Variants in TSEN2 observed in about 807,000 individuals in gnomAD.
TSEN2 encodes the protein tRNA splicing endonuclease subunit 2.
TSEN2 carries 54 observed loss-of-function variants against 59.2 expected under a neutral mutation model. That is an observed-to-expected ratio of 0.91 (90% CI 0.73 to 1.14). The LOEUF (loss-of-function observed/expected upper bound fraction) is 1.14. TSEN2 is among the 50% of genes most tolerant of loss of function. TSEN2 has a pLI of 0.00. For missense variants in TSEN2, 636 were observed against 576.2 expected, an observed-to-expected ratio of 1.10 and a Z score of -1.06; for synonymous variants, 195 against 198.2, an observed-to-expected ratio of 0.98 and a Z score of 0.14.
At chr3:12,507,777 G>A (rs2054998026) in intron 6 of TSEN2, among the ~76,000 whole-genome samples, 1 of 152,184 alleles carries the variant, frequency 6.6e-6, no homozygotes, top group South Asian at 2.1e-4. Flanking sequence ...TGGGCCCAAT[G>A]CCTGACATCT....
upstream of TSEN2, among the ~76,000 whole-genome samples, chr3:12,484,101 G>T (rs2052338475): frequency 6.6e-6 from 1 of 152,234 alleles, no homozygotes; most frequent in Non-Finnish European, 1.5e-5. Context: ...CATTGAGAAA[G>T]ATGAGATCAG....
At chr3:12,530,140 G>C (rs771089423) in intron 10 of TSEN2, 6 of 1,337,528 alleles carry the variant, frequency 4.5e-6, no homozygotes, top group Non-Finnish European at 4.8e-6. Context: ...ATGGTGATCT[G>C]ATCTGGGTAG....
chr3:12,495,198 A>G (rs1190598540), intron 3 of TSEN2, among the ~76,000 whole-genome samples: 1 of 151,952 alleles, frequency 6.6e-6, no homozygotes, highest in African/African-American at 2.4e-5. Flanking sequence ...AAGTAACTGA[A>G]GCTTATATCA....
At chr3:12,519,231 A>G (rs2056417678) in intron 8 of TSEN2, 34 bp downstream of exon 8, 16 of 1,613,606 alleles carry the variant, frequency 9.9e-6, no homozygotes, top group Non-Finnish European at 1.4e-5. Flanking sequence ...GTGTGAGAAT[A>G]GAGTTTATAT....
chr3:12,503,883 T>C lies in TSEN2; in HGVS notation c.831+99T>C, dbSNP rs1026416687. The C allele has an allele frequency of 2.0e-6, 3 of 1,474,190 alleles. No homozygotes were observed. In the Admixed American group the frequency reaches 5.9e-5, roughly 29 times the overall value. 91.3% of individuals were successfully genotyped at this position (1,474,190 alleles called of 1,614,324 possible). On this transcript the variant is annotated intron_variant, in intron 5 of 11. Transcript: ENST00000284995. ...TTGCCTGCAGCTGGTAGCTGGCCTG[T>C]TGTAGGGTCCAAGGGAAGCAGCAGG...
upstream of TSEN2, among the ~76,000 whole-genome samples, chr3:12,483,901 A>G (rs1169948654): frequency 1.3e-5 from 2 of 152,220 alleles, no homozygotes; most frequent in African/African-American, 4.8e-5. Flanking sequence ...CAGTCATTCA[A>G]GCTCACGCAG....
intron 6 of TSEN2, chr3:12,505,451 A>G: frequency 1.9e-6 from 1 of 525,718 alleles, no homozygotes; most frequent in Non-Finnish European, 3.4e-6. Flanking sequence ...CATTCCACAG[A>G]AGATTCGAGG....
chr3:12,526,188 G>A (rs1304534725), intron 8 of TSEN2, among the ~76,000 whole-genome samples: 1 of 151,792 alleles, frequency 6.6e-6, no homozygotes, highest in Non-Finnish European at 1.5e-5. Flanking sequence ...CTATATATGT[G>A]TATAAAAAAA....
At chr3:12,539,048 G>T (rs754887184) in intron 10 of TSEN2, 17 of 396,966 alleles carry the variant, frequency 4.3e-5, no homozygotes, top group Non-Finnish European at 6.3e-5. Flanking sequence ...TCCTTTAAAA[G>T]GAGTGACCAT....
intron 4 of TSEN2, among the ~76,000 whole-genome samples, chr3:12,501,262 T>C (rs377201274): frequency 2.6e-5 from 4 of 152,218 alleles, no homozygotes; most frequent in Middle Eastern, 3.2e-3. Flanking sequence ...CATCTCCACA[T>C]TTTATAGGTG....
chr3:12,492,378 G>C (rs926430010), intron 3 of TSEN2, among the ~76,000 whole-genome samples, 161 bp downstream of exon 3: 1 of 152,152 alleles, frequency 6.6e-6, no homozygotes, highest in Non-Finnish European at 1.5e-5. Context: ...AAAGCAAAAG[G>C]GTTATGATTG....
chr3:12,507,908 A>T (rs2055010300), intron 6 of TSEN2, among the ~76,000 whole-genome samples: 1 of 152,230 alleles, frequency 6.6e-6, no homozygotes, highest in Non-Finnish European at 1.5e-5. Context: ...ATAGCTGAGG[A>T]TAGTAAAGGA....
At chr3:12,520,316 A>T (rs890133850) in intron 8 of TSEN2, among the ~76,000 whole-genome samples, 1 of 152,264 alleles carries the variant, frequency 6.6e-6, no homozygotes, top group Non-Finnish European at 1.5e-5. Context: ...TCATTTTCTG[A>T]TAGGGAGACT....
At chr3:12,522,035 A>G (rs944182660) in intron 8 of TSEN2, among the ~76,000 whole-genome samples, 1 of 152,052 alleles carries the variant, frequency 6.6e-6, no homozygotes, top group African/African-American at 2.4e-5. Context: ...ATAAAAATAA[A>G]AAATAAAAAT....
At chr3:12,512,899 G>A (rs1169115241) in intron 6 of TSEN2, among the ~76,000 whole-genome samples, 1 of 152,158 alleles carries the variant, frequency 6.6e-6, no homozygotes, top group African/African-American at 2.4e-5. Context: ...ACACTTGAGG[G>A]CCCTAACTAC....
rs57378516 is a variant in TSEN2 at position 12,486,805 on chromosome 3, T to C, written c.-18+1925T>C. The stretch of plus-strand genomic sequence containing the variant: ...CGGAAACTTTATCTTAATTGTCTCG[T>C]GGTCTTTTGTGTCTGACTTCTTTTA... On this transcript the variant is annotated intron_variant, in intron 1 of 11. Coordinates refer to ENST00000284995, the MANE Select transcript of TSEN2 (RefSeq NM_025265.4). Among the ~76,000 whole-genome samples the C allele has an allele frequency of 1.6e-3, 246 of 152,346 alleles. 1 individual carries two copies. The highest frequency in any genetic ancestry group is 5.7e-3 in the African/African-American group (239 of 41,570).
At chr3:12,493,383 C>T (rs2053423849) in intron 3 of TSEN2, among the ~76,000 whole-genome samples, 1 of 152,182 alleles carries the variant, frequency 6.6e-6, no homozygotes, top group Admixed American at 6.5e-5. Flanking sequence ...TTCCCACCAG[C>T]AATGCACCAA....
At chr3:12,497,924 G>A (rs910124998) in intron 4 of TSEN2, among the ~76,000 whole-genome samples, 1 of 152,178 alleles carries the variant, frequency 6.6e-6, no homozygotes, top group Non-Finnish European at 1.5e-5. Flanking sequence ...CTCTGGGGGA[G>A]CATCCTTCCT....
At chr3:12,522,580 A>G (rs746848840) in intron 8 of TSEN2, among the ~76,000 whole-genome samples, 3 of 152,174 alleles carry the variant, frequency 2.0e-5, no homozygotes, top group Non-Finnish European at 4.4e-5. Context: ...CTTTTTAACG[A>G]TATTATTTTA....
Sources: gnomAD v4.1 joint callset for allele counts (sites outside exome capture counted in the v4.1 genomes callset) on GRCh38, gnomAD v4.1.1 for gene constraint, MANE v1.5 for transcripts, NCBI Gene and HGNC (gene_info 2026-07-23, HGNC 2026-07-21) for gene names.